SPECC1: variants seen among roughly 807,000 people sequenced by gnomAD.
SPECC1 encodes the protein cytospin-B.
A neutral mutation model predicts 104.1 loss-of-function variants in SPECC1; 62 were observed. The observed-to-expected ratio is 0.60, with a 90% CI of 0.49 to 0.74. The LOEUF (loss-of-function observed/expected upper bound fraction) is 0.74. Among genes scored for constraint, SPECC1 ranks in the 30% least tolerant of loss-of-function variants. The pLI is 0.00. For missense variants in SPECC1, 1,306 were observed against 1,310.5 expected, an observed-to-expected ratio of 1.00 and a Z score of 0.05; for synonymous variants, 513 against 501.6, an observed-to-expected ratio of 1.02 and a Z score of -0.30.
intron 3 of SPECC1, among the ~76,000 whole-genome samples, chr17:20,160,463 G>A (rs2033036184): frequency 6.6e-6 from 1 of 152,010 alleles, no homozygotes; most frequent in African/African-American, 2.4e-5. Flanking sequence ...ACATGCCAGG[G>A]GACTGCATCA....
chr17:20,101,190 A>G (rs893756839), intron 2 of SPECC1, among the ~76,000 whole-genome samples: 6 of 152,096 alleles, frequency 3.9e-5, no homozygotes, highest in Non-Finnish European at 4.4e-5. Flanking sequence ...CAATAATGAG[A>G]TTGCTGGGTC....
intron 1 of SPECC1, among the ~76,000 whole-genome samples, chr17:20,051,091 T>A (rs868241684): frequency 2.9e-5 from 3 of 102,266 alleles, no homozygotes; most frequent in Non-Finnish European, 5.9e-5. Flanking sequence ...TTTCTTTCTT[T>A]CTTTCTTTCT....
intron 1 of SPECC1, among the ~76,000 whole-genome samples, chr17:20,079,650 C>A (rs577156255): frequency 6.6e-6 from 1 of 152,190 alleles, no homozygotes; most frequent in Non-Finnish European, 1.5e-5. Flanking sequence ...ATTATCCACC[C>A]AGCAGACATC....
At chr17:20,124,971 G>A (rs907768414) in intron 3 of SPECC1, among the ~76,000 whole-genome samples, 1 of 152,116 alleles carries the variant, frequency 6.6e-6, no homozygotes, top group African/African-American at 2.4e-5. Flanking sequence ...ACGAGGTCAG[G>A]AGATGGAGAC....
At chr17:20,281,860 T>C (rs1012475182) in intron 12 of SPECC1, among the ~76,000 whole-genome samples, 1 of 152,196 alleles carries the variant, frequency 6.6e-6, no homozygotes, top group African/African-American at 2.4e-5. Flanking sequence ...AGCATGGTCC[T>C]AGGGGTCAGA....
intron 3 of SPECC1, among the ~76,000 whole-genome samples, chr17:20,153,397 C>T (rs2032189835): frequency 6.6e-6 from 1 of 152,156 alleles, no homozygotes; most frequent in Non-Finnish European, 1.5e-5. Context: ...AGGGGAGCCA[C>T]AGGAACTTCT....
At chr17:20,083,296 G>C (rs528218255) in intron 1 of SPECC1, among the ~76,000 whole-genome samples, 17 of 152,206 alleles carry the variant, frequency 1.1e-4, no homozygotes, top group Non-Finnish European at 2.2e-4. Context: ...GGCACTTCCA[G>C]TTAGTTGGAG....
At chr17:20,028,557 T>C (rs1452781949) in intron 1 of SPECC1, among the ~76,000 whole-genome samples, 1 of 151,170 alleles carries the variant, frequency 6.6e-6, no homozygotes, top group Non-Finnish European at 1.5e-5. Flanking sequence ...TATATTCCAT[T>C]GATATGTATG....
At position 20,135,650 on chromosome 17, in the gene SPECC1, C is replaced by A. The variant is rs117646666; in HGVS notation, c.283+25088C>A. The stretch of plus-strand genomic sequence containing the variant: ...TGTTATTTTTGTAGACAGAGTCTTA[C>A]TATGTTGCTCAGGCTGGTCTTGAAC... On this transcript the variant is annotated intron_variant, in intron 3 of 14. Coordinates refer to ENST00000395527, the MANE Select transcript of SPECC1 (RefSeq NM_001243439.2). Among the ~76,000 whole-genome samples the A allele has an allele frequency of 5.2e-3, 788 of 152,230 alleles. 6 individuals are homozygous for A. Among genetic ancestry groups the A allele is most frequent in the Non-Finnish European group, 8.1e-3 (554 of 68,006 alleles).
At chr17:20,110,802 C>T (rs934197607) in intron 3 of SPECC1, among the ~76,000 whole-genome samples, 2 of 152,074 alleles carry the variant, frequency 1.3e-5, no homozygotes, top group African/African-American at 4.8e-5. Flanking sequence ...TTGGTCCCTT[C>T]GGAGGTCCAT....
At chr17:20,071,248 A>G (rs1006959800) in intron 1 of SPECC1, among the ~76,000 whole-genome samples, 1 of 152,168 alleles carries the variant, frequency 6.6e-6, no homozygotes, top group African/African-American at 2.4e-5. Context: ...TCTTTGTCAT[A>G]ATCTGAATTC....
At chr17:20,111,352 G>A (rs2048482005) in intron 3 of SPECC1, among the ~76,000 whole-genome samples, 1 of 152,114 alleles carries the variant, frequency 6.6e-6, no homozygotes, top group South Asian at 2.1e-4. Context: ...ATCTCAAAAG[G>A]TATATTTTAA....
chr17:20,279,191 G>A (rs1488689813), intron 12 of SPECC1, among the ~76,000 whole-genome samples: 1 of 152,022 alleles, frequency 6.6e-6, no homozygotes, highest in Non-Finnish European at 1.5e-5. Context: ...TCTCTTACTC[G>A]TGAAATGTTC....
chr17:20,090,768 C>T (rs1363296286), intron 1 of SPECC1, among the ~76,000 whole-genome samples: 2 of 152,140 alleles, frequency 1.3e-5, no homozygotes, highest in South Asian at 2.1e-4. Flanking sequence ...GACAGAAGGA[C>T]GTCACAGACC....
chr17:20,287,498 C>A (rs1304376237), intron 12 of SPECC1, among the ~76,000 whole-genome samples: 3 of 146,838 alleles, frequency 2.0e-5, no homozygotes, highest in Non-Finnish European at 4.5e-5. Flanking sequence ...TAAAGCATAA[C>A]TCAATTCATC....
At chr17:20,019,211 C>CATTTATTTATTTATTT (rs967752200) in intron 1 of SPECC1, among the ~76,000 whole-genome samples, 1 of 20,936 alleles carries the variant, frequency 4.8e-5, no homozygotes, top group East Asian at 6.0e-4. Flanking sequence ...CCCTATCATT[C>CATTTATTTATTTATTT]ATTTATTTAT....
rs1034908673 is a variant in SPECC1 at position 20,205,337 on chromosome 17, C to T, written c.1288C>T (p.Arg430Ter). 2 of 1,614,100 alleles carry T rather than the reference C, an allele frequency of 1.2e-6. No individual in the cohort carries two copies. The highest frequency in any genetic ancestry group is 1.7e-6 in the Non-Finnish European group (2 of 1,180,038). The change falls in exon 4 of 15, where the codon CGA becomes TGA. Residue 430 changes from arginine to a stop codon, truncating the protein, a stop_gained. Coordinates refer to ENST00000395527, the MANE Select transcript of SPECC1 (RefSeq NM_001243439.2). LOFTEE classifies it high-confidence loss of function. ...TILETSFHQH[R>*]ERAEQLSQEN... ...TTTAGAGACATCCTTTCATCAGCAT[C>T]GAGAGAGGGCAGAGCAGCTAAGTCA...
At chr17:20,087,378 C>T (rs940960943) in intron 1 of SPECC1, among the ~76,000 whole-genome samples, 1 of 152,128 alleles carries the variant, frequency 6.6e-6, no homozygotes, top group African/African-American at 2.4e-5. Flanking sequence ...CTGGAAGGCT[C>T]TATATTCACA....
chr17:20,052,252 A>G (rs917894096), intron 1 of SPECC1, among the ~76,000 whole-genome samples: 1 of 152,212 alleles, frequency 6.6e-6, no homozygotes. Flanking sequence ...AGTGACTGCT[A>G]AAATGGGGGA....
Sources: gnomAD v4.1 joint callset for allele counts (sites outside exome capture counted in the v4.1 genomes callset) on GRCh38, gnomAD v4.1.1 for gene constraint, MANE v1.5 for transcripts, NCBI Gene and HGNC (gene_info 2026-07-23, HGNC 2026-07-21) for gene names.